KCNJ6: variants seen among roughly 807,000 people sequenced by gnomAD.
KCNJ6 encodes potassium inwardly rectifying channel subfamily J member 6.
Under a neutral mutation model 34.2 loss-of-function variants are expected in KCNJ6, and 9 were observed. The observed-to-expected ratio is 0.26, with a 90% CI of 0.16 to 0.46. KCNJ6 has a LOEUF of 0.46. Among genes scored for constraint, KCNJ6 ranks in the 20% least tolerant of loss-of-function variants. The pLI, the probability that KCNJ6 is intolerant of heterozygous loss-of-function variation, is 1.00. For synonymous variants in KCNJ6, 196 were observed against 207.1 expected (o/e 0.95, Z 0.46); for missense variants, 236 against 531.3 (o/e 0.44, Z 5.46).
At chr21:37,894,209 T>C (rs1345721193) in intron 1 of KCNJ6, among the ~76,000 whole-genome samples, 1 of 152,210 alleles carries the variant, frequency 6.6e-6, no homozygotes, top group Non-Finnish European at 1.5e-5. Context: ...ATGTGGAAGT[T>C]AGGTACAGCC....
chr21:37,786,791 TG>T (rs1249190386), intron 2 of KCNJ6, among the ~76,000 whole-genome samples: 1 of 152,214 alleles, frequency 6.6e-6, no homozygotes, highest in Non-Finnish European at 1.5e-5. Flanking sequence ...CATTTTAAAA[TG>T]GGGCCGTTGT....
At chr21:37,820,725 T>C (rs2055369552) in intron 2 of KCNJ6, among the ~76,000 whole-genome samples, 1 of 152,248 alleles carries the variant, frequency 6.6e-6, no homozygotes, top group Admixed American at 6.5e-5. Context: ...AACCCAAATA[T>C]TCAGATAATT....
chr21:37,757,467 T>C (rs201859496), intron 2 of KCNJ6, among the ~76,000 whole-genome samples: 1 of 15,304 alleles, frequency 6.5e-5, no homozygotes, highest in Non-Finnish European at 1.3e-4. Flanking sequence ...CGGAGTGAGC[T>C]CTCCCTCACA....
At chr21:37,841,147 C>A (rs1045494432) in intron 1 of KCNJ6, among the ~76,000 whole-genome samples, 2 of 151,796 alleles carry the variant, frequency 1.3e-5, no homozygotes, top group African/African-American at 4.8e-5. Context: ...ATACATATTT[C>A]TTTGTCTTAG....
At chr21:37,894,776 T>TAG (rs1462487346) in intron 1 of KCNJ6, among the ~76,000 whole-genome samples, 1 of 152,206 alleles carries the variant, frequency 6.6e-6, no homozygotes, top group African/African-American at 2.4e-5. Context: ...AGGTCCCCTC[T>TAG]AGGTGAGGCA....
intron 3 of KCNJ6, among the ~76,000 whole-genome samples, chr21:37,712,516 C>T (rs2054759935): frequency 8.0e-6 from 1 of 125,636 alleles, no homozygotes; most frequent in Admixed American, 7.6e-5. Context: ...CTCCTCCTCT[C>T]CTTCCTCCCT....
At chr21:37,729,679 A>C (rs1285844685) in intron 2 of KCNJ6, among the ~76,000 whole-genome samples, 1 of 152,198 alleles carries the variant, frequency 6.6e-6, no homozygotes, top group African/African-American at 2.4e-5. Flanking sequence ...GTTAGTTAGA[A>C]CCATTAAGAA....
At chr21:37,660,229 T>C (rs1242254433) in intron 3 of KCNJ6, among the ~76,000 whole-genome samples, 2 of 152,202 alleles carry the variant, frequency 1.3e-5, no homozygotes, top group African/African-American at 4.8e-5. Flanking sequence ...CTTTCACAAC[T>C]GGTCCCCTCC....
At chr21:37,896,093 G>T (rs1326784256) in intron 1 of KCNJ6, among the ~76,000 whole-genome samples, 1 of 152,326 alleles carries the variant, frequency 6.6e-6, no homozygotes, top group Admixed American at 6.5e-5. Flanking sequence ...ATGTCGGAAG[G>T]AAGAGGTGAG....
intron 1 of KCNJ6, among the ~76,000 whole-genome samples, chr21:37,877,873 A>G (rs1022297406): frequency 2.6e-5 from 4 of 152,268 alleles, no homozygotes; most frequent in African/African-American, 9.6e-5. Context: ...TTTCTGGCGC[A>G]TGCCGGAAGT....
intron 3 of KCNJ6, among the ~76,000 whole-genome samples, chr21:37,686,889 G>A (rs545589886): frequency 6.6e-6 from 1 of 151,838 alleles, no homozygotes; most frequent in South Asian, 2.1e-4. Context: ...GAAGGCAGGG[G>A]TTGAAAAAAT....
intron 3 of KCNJ6, among the ~76,000 whole-genome samples, chr21:37,650,490 G>A (rs746685417): frequency 1.1e-4 from 17 of 152,118 alleles, no homozygotes; most frequent in Non-Finnish European, 2.9e-5. Flanking sequence ...CAACAAAGAC[G>A]GCAACTGGAT....
intron 2 of KCNJ6, among the ~76,000 whole-genome samples, chr21:37,806,093 C>A (rs1486281786): frequency 6.6e-6 from 1 of 152,194 alleles, no homozygotes; most frequent in Non-Finnish European, 1.5e-5. Context: ...GAGTGAATTA[C>A]TCTTCTGCTT....
At position 37,787,429 on chromosome 21, in the gene KCNJ6, G is replaced by C. The variant is rs1874440040; in HGVS notation, c.25+53229C>G. ...TCATACTCACTCTTCTTTTAATGGG[G>C]ATCTCATAATACATGCTGACTGTTT... On this transcript the variant is annotated intron_variant, in intron 2 of 3. Transcript: ENST00000609713. Among the ~76,000 whole-genome samples, 2 of 152,122 alleles carry C rather than the reference G, an allele frequency of 1.3e-5. 1 individual carries two copies. The highest frequency in any genetic ancestry group is 2.9e-5 in the Non-Finnish European group (2 of 68,014).
At chr21:37,765,395 A>G (rs963523805) in intron 2 of KCNJ6, among the ~76,000 whole-genome samples, 6 of 152,152 alleles carry the variant, frequency 3.9e-5, no homozygotes, top group African/African-American at 1.4e-4. Flanking sequence ...TCCTCCAGGG[A>G]CATTTGGCAG....
intron 2 of KCNJ6, among the ~76,000 whole-genome samples, chr21:37,761,190 C>T (rs562733447): frequency 3.6e-4 from 52 of 145,512 alleles, no homozygotes; most frequent in Admixed American, 2.4e-3. Context: ...CATGTGTGTG[C>T]GATGTGTGTG....
intron 1 of KCNJ6, among the ~76,000 whole-genome samples, chr21:37,903,942 G>C (rs1292146315): frequency 1.3e-5 from 2 of 152,148 alleles, no homozygotes; most frequent in Non-Finnish European, 2.9e-5. Context: ...ACTTTATATT[G>C]GTAGAGAGTA....
intron 1 of KCNJ6, among the ~76,000 whole-genome samples, chr21:37,898,879 G>C (rs1302181445): frequency 1.3e-5 from 2 of 152,146 alleles, no homozygotes; most frequent in African/African-American, 4.8e-5. Flanking sequence ...TTTTTCATTA[G>C]TTTAGGTGTA....
At chr21:37,861,102 G>A (rs2055592766) in intron 1 of KCNJ6, among the ~76,000 whole-genome samples, 1 of 152,172 alleles carries the variant, frequency 6.6e-6, no homozygotes, top group Admixed American at 6.5e-5. Flanking sequence ...CAGGAGGTGA[G>A]GACTACATCA....
Sources: gnomAD v4.1 joint callset for allele counts (sites outside exome capture counted in the v4.1 genomes callset) on GRCh38, gnomAD v4.1.1 for gene constraint, MANE v1.5 for transcripts, NCBI Gene and HGNC (gene_info 2026-07-23, HGNC 2026-07-21) for gene names.